The following OTUD7A variants were observed in gnomAD, a reference collection of about 807,000 sequenced individuals.
OTUD7A encodes the protein OTU domain-containing protein 7A.
OTUD7A carries 12 observed loss-of-function variants against 65.7 expected under a neutral mutation model. That is an observed-to-expected ratio of 0.18 (90% confidence interval 0.12 to 0.30). OTUD7A has a LOEUF of 0.30. Among genes scored for constraint, OTUD7A ranks in the 10% least tolerant of loss-of-function variants. OTUD7A has a pLI of 1.00. For synonymous variants in OTUD7A, 641 were observed against 586.3 expected, an observed-to-expected ratio of 1.09 and a Z score of -1.35; for missense variants, 1,148 against 1,304.8, an observed-to-expected ratio of 0.88 and a Z score of 1.85.
In OTUD7A at chr15:31,564,387, G is replaced by GTTTTTTTTTTTTTTTTTTTTTTTT. The variant is rs398026753; in HGVS notation, c.332-5201_332-5200insAAAAAAAAAAAAAAAAAAAAAAAA. Among the ~76,000 whole-genome samples the GTTTTTTTTTTTTTTTTTTTTTTTT allele has an allele frequency of 1.9e-4, 23 of 119,906 alleles. 1 individual carries two copies. The highest frequency in any genetic ancestry group is 3.4e-4 in the African/African-American group (12 of 34,968). The allele number at this position is 119,906 out of a possible 152,430, so 78.7% of individuals were successfully genotyped here. A position where few individuals can be genotyped will look rare whatever the true frequency, so the allele number is the denominator to read the frequency against. ...TTTTTGGAAGTAGTCTTTGAGGAAG[G>GTTTTTTTTTTTTTTTTTTTTTTTT]TTTTTTTTTTTTTAGCAAAAGAGAA... is the stretch of plus-strand genomic sequence containing the variant. On this transcript the variant is annotated intron_variant, in intron 4 of 12. Transcript: ENST00000307050.
In OTUD7A at chr15:31,767,059, C is replaced by A; in HGVS notation, c.-100+103448G>T. 1.9e-6 allele frequency: 3 copies of A among 1,594,090 alleles called. No homozygotes were observed. In the East Asian group the frequency reaches 6.7e-5, roughly 36 times the overall value. ...AACTAGCTGCATTTTCTTAGCACAT[C>A]TTTCTTGAAATCCTGGATTGCTTAT... On this transcript the variant is annotated intron_variant, in intron 1 of 12. Coordinates refer to ENST00000307050, the MANE Select transcript of OTUD7A (RefSeq NM_001382637.1).
At chr15:31,564,864 G>C (rs1262309974) in intron 4 of OTUD7A, among the ~76,000 whole-genome samples, 1 of 152,112 alleles carries the variant, frequency 6.6e-6, no homozygotes, top group East Asian at 1.9e-4. Context: ...TGGCAAATAT[G>C]AACCAACAGA....
At chr15:31,670,435 A>G (rs1187273905) in intron 1 of OTUD7A, among the ~76,000 whole-genome samples, 1 of 152,202 alleles carries the variant, frequency 6.6e-6, no homozygotes, top group East Asian at 1.9e-4. Flanking sequence ...CAGCGTCACC[A>G]GCATCTGTTG....
rs146219532 is a variant in OTUD7A, at chr15:31,777,964, G to A, written c.-100+92543C>T. ...CGGGTGACACAGGTGGAAATGATGG[G>A]CTGATGGGAGGAAATGGAGCGGCTC... is the stretch of plus-strand genomic sequence containing the variant. On this transcript the variant is annotated intron_variant, in intron 1 of 12. Transcript: ENST00000307050. 1.7e-3 allele frequency among the ~76,000 whole-genome samples: 259 copies of A among 152,316 alleles called. 5 individuals carry two copies. In the East Asian group the frequency reaches 0.038, roughly 22 times the overall value.
At chr15:31,539,614 A>G (rs1887926245) in intron 5 of OTUD7A, among the ~76,000 whole-genome samples, 1 of 152,222 alleles carries the variant, frequency 6.6e-6, no homozygotes, top group African/African-American at 2.4e-5. Context: ...TTTGGGGCCA[A>G]TTGGGAAAAT....
At chr15:31,534,733 C>A (rs1402665143) in intron 5 of OTUD7A, among the ~76,000 whole-genome samples, 1 of 152,102 alleles carries the variant, frequency 6.6e-6, no homozygotes, top group Non-Finnish European at 1.5e-5. Flanking sequence ...ATACACAAAT[C>A]AATGGTACAG....
At chr15:31,553,301 C>T (rs76717877) in intron 5 of OTUD7A, among the ~76,000 whole-genome samples, 8,570 of 152,154 alleles carry the variant, frequency 0.056, 820 homozygotes, top group African/African-American at 0.2. Flanking sequence ...AGGGCCCCAG[C>T]CTGAGTCTTT....
intron 3 of OTUD7A, among the ~76,000 whole-genome samples, chr15:31,632,648 G>T (rs1891207894): frequency 1.3e-5 from 2 of 152,366 alleles, no homozygotes; most frequent in South Asian, 4.1e-4. Context: ...TCTCTTCAAA[G>T]CTGTCAGACA....
intron 1 of OTUD7A, among the ~76,000 whole-genome samples, chr15:31,734,659 A>G (rs1222367651): frequency 6.6e-6 from 1 of 151,740 alleles, no homozygotes; most frequent in Non-Finnish European, 1.5e-5. Flanking sequence ...CGTGTAAAAG[A>G]CTCTCTATTT....
chr15:31,681,058 T>C (rs1241049081), intron 1 of OTUD7A, among the ~76,000 whole-genome samples: 1 of 150,004 alleles, frequency 6.7e-6, no homozygotes, highest in Non-Finnish European at 1.5e-5. Flanking sequence ...ATCTTCAATC[T>C]ATATTCTATC....
chr15:31,558,861 G>C (rs1175699848), intron 5 of OTUD7A, 108 bp downstream of exon 5: 1 of 1,239,422 alleles, frequency 8.1e-7, no homozygotes, highest in African/African-American at 1.5e-5. Flanking sequence ...ACTGAAAACT[G>C]CCCAGAGTCT....
chr15:31,579,967 T>G (rs1464599416), intron 3 of OTUD7A, among the ~76,000 whole-genome samples: 1 of 152,188 alleles, frequency 6.6e-6, no homozygotes, highest in Non-Finnish European at 1.5e-5. Context: ...GAAAACTATG[T>G]GCTATGTAGA....
intron 1 of OTUD7A, among the ~76,000 whole-genome samples, chr15:31,798,412 G>A (rs982449301): frequency 1.3e-5 from 2 of 152,138 alleles, no homozygotes; most frequent in Non-Finnish European, 2.9e-5. Flanking sequence ...CAGGTGTCCA[G>A]GTGTGGCCAT....
intron 3 of OTUD7A, among the ~76,000 whole-genome samples, chr15:31,631,709 A>G (rs1355325376): frequency 6.6e-6 from 1 of 152,332 alleles, no homozygotes; most frequent in South Asian, 2.1e-4. Flanking sequence ...CATTCTCCCC[A>G]TCACTTTCAG....
In OTUD7A at chr15:31,483,419, C is replaced by T; in HGVS notation, c.2677G>A (p.Val893Met). ...TTCTCGCGCTGGCAGCGCCGCTGCA[C>T]CGGCCCCGGGCCGCCACGGCCGCAC... The part of the protein sequence containing the change: ...GECGRGGPGP[V>M]QRRCQRENCA... The change falls in exon 13 of 13, where the codon GTG becomes ATG. Residue 893 changes from valine to methionine, a missense_variant. Val to Met is a conservative substitution (Grantham distance 21). Coordinates refer to ENST00000307050, the MANE Select transcript of OTUD7A (RefSeq NM_001382637.1). 1.5e-6 allele frequency: 2 copies of T among 1,368,794 alleles called. No homozygotes were observed. The highest frequency in any genetic ancestry group is 1.9e-6 in the Non-Finnish European group (2 of 1,060,588). The allele number at this position is 1,368,794 out of a possible 1,614,324, so 84.8% of individuals were successfully genotyped here.
chr15:31,796,324 GA>G (rs1895960785), intron 1 of OTUD7A, among the ~76,000 whole-genome samples: 1 of 152,188 alleles, frequency 6.6e-6, no homozygotes, highest in Non-Finnish European at 1.5e-5. Context: ...CTGCAGGGCA[GA>G]TGGGCAGGTT....
chr15:31,799,573 G>GT (rs1896064885), intron 1 of OTUD7A, among the ~76,000 whole-genome samples: 1 of 152,184 alleles, frequency 6.6e-6, no homozygotes, highest in South Asian at 2.1e-4. Context: ...GAAAGGCCAT[G>GT]TGAGGACACA....
intron 1 of OTUD7A, among the ~76,000 whole-genome samples, chr15:31,839,736 C>T (rs16955962): frequency 1.3e-5 from 2 of 152,144 alleles, no homozygotes; most frequent in African/African-American, 2.4e-5. Context: ...AGAAGGGTGT[C>T]ACTGCACCAT....
intron 1 of OTUD7A, among the ~76,000 whole-genome samples, chr15:31,782,130 C>T (rs1229861780): frequency 6.6e-6 from 1 of 152,236 alleles, no homozygotes; most frequent in Non-Finnish European, 1.5e-5. Context: ...CACAACCCCT[C>T]TATGCTGCTG....
Sources: gnomAD v4.1 joint callset for allele counts (sites outside exome capture counted in the v4.1 genomes callset) on GRCh38, gnomAD v4.1.1 for gene constraint, MANE v1.5 for transcripts, NCBI Gene and HGNC (gene_info 2026-07-23, HGNC 2026-07-21) for gene names.